The following CYP19A1 variants were observed in gnomAD, a reference collection of about 807,000 sequenced individuals.
CYP19A1 encodes the protein aromatase.
A neutral mutation model predicts 44.4 loss-of-function variants in CYP19A1; 32 were observed. The observed-to-expected ratio is 0.72, with a 90% CI of 0.54 to 0.97. The LOEUF is 0.97. Among genes scored for constraint, CYP19A1 ranks in the 50% least tolerant of loss-of-function variants. The pLI, the probability that CYP19A1 is intolerant of heterozygous loss-of-function variation, is 0.00. For synonymous variants in CYP19A1, 212 were observed against 215.6 expected, an observed-to-expected ratio of 0.98 and a Z score of 0.14; for missense variants, 598 against 637.8, an observed-to-expected ratio of 0.94 and a Z score of 0.67.
At chr15:51,328,558 G>C (rs1289641204) in intron 1 of CYP19A1, among the ~76,000 whole-genome samples, 1 of 138,952 alleles carries the variant, frequency 7.2e-6, no homozygotes, top group East Asian at 1.9e-4. Flanking sequence ...GTGTGTGTGT[G>C]TGTGTGTGTG....
intron 1 of CYP19A1, among the ~76,000 whole-genome samples, chr15:51,334,400 T>C (rs1260435078): frequency 4.6e-5 from 7 of 152,212 alleles, no homozygotes; most frequent in East Asian, 1.9e-4. Flanking sequence ...GGAACTCAAA[T>C]GACATGAGAA....
chr15:51,242,601 A>G (rs1415670419), intron 2 of CYP19A1, among the ~76,000 whole-genome samples, 167 bp downstream of exon 2: 1 of 152,168 alleles, frequency 6.6e-6, no homozygotes, highest in East Asian at 1.9e-4. Context: ...TGTGCAGATA[A>G]TTGGTCTGAA....
At chr15:51,230,511 A>C (rs2141087003) in intron 3 of CYP19A1, among the ~76,000 whole-genome samples, 1 of 152,214 alleles carries the variant, frequency 6.6e-6, no homozygotes, top group Non-Finnish European at 1.5e-5. Flanking sequence ...GTAAGCTCTT[A>C]GGTGATGAGA....
At chr15:51,320,579 A>G (rs1407535700) in intron 1 of CYP19A1, among the ~76,000 whole-genome samples, 1 of 152,162 alleles carries the variant, frequency 6.6e-6, no homozygotes, top group Non-Finnish European at 1.5e-5. Context: ...TGGCCCCAAG[A>G]GGCCCAAAAG....
At chr15:51,243,210 T>A (rs2033882037) in intron 1 of CYP19A1, 1 of 390,424 alleles carries the variant, frequency 2.6e-6, no homozygotes, top group East Asian at 5.4e-5. Context: ...AACCTTATCA[T>A]CTTGCCCTTG....
chr15:51,246,795 G>A (rs147016067), intron 1 of CYP19A1, among the ~76,000 whole-genome samples: 186 of 152,302 alleles, frequency 1.2e-3, no homozygotes, highest in African/African-American at 4.1e-3. Flanking sequence ...GGGGCTACTG[G>A]CCCAGCAGGG....
chr15:51,223,593 T>TCTCTCTCACACACACACACACACACA (rs1356666512), intron 4 of CYP19A1, among the ~76,000 whole-genome samples: 14 of 90,210 alleles, frequency 1.6e-4, no homozygotes, highest in East Asian at 4.7e-4. Context: ...TCTCTCTCTC[T>TCTCTCTCACACACACACACACACACA]CACACACACA....
At chr15:51,296,692 G>T (rs1433277817) in intron 1 of CYP19A1, among the ~76,000 whole-genome samples, 1 of 152,098 alleles carries the variant, frequency 6.6e-6, no homozygotes, top group African/African-American at 2.4e-5. Flanking sequence ...AACAATGATG[G>T]TAGATCAGAG....
chr15:51,308,324 C>T (rs759386961), intron 1 of CYP19A1, among the ~76,000 whole-genome samples: 18 of 152,240 alleles, frequency 1.2e-4, no homozygotes, highest in Non-Finnish European at 2.2e-4. Context: ...GGTCCTCTGT[C>T]CCCAACTTAC....
intron 4 of CYP19A1, among the ~76,000 whole-genome samples, chr15:51,224,617 T>G (rs2141069348): frequency 6.6e-6 from 1 of 152,386 alleles, no homozygotes; most frequent in Non-Finnish European, 1.5e-5. Context: ...CCTGCATCAC[T>G]GCAGTAGCTC....
intron 1 of CYP19A1, chr15:51,313,322 G>A (rs1165035441): frequency 6.6e-6 from 1 of 152,222 alleles, no homozygotes; most frequent in Non-Finnish European, 1.5e-5. Flanking sequence ...AGTAGTCTTG[G>A]CCTTCAAATA....
intron 1 of CYP19A1, among the ~76,000 whole-genome samples, chr15:51,261,327 C>T (rs976293820): frequency 6.6e-6 from 1 of 152,000 alleles, no homozygotes; most frequent in African/African-American, 2.4e-5. Context: ...TTGGGAGTGG[C>T]CAACCACCAT....
chr15:51,329,874 G>A (rs1310476152), intron 1 of CYP19A1, among the ~76,000 whole-genome samples: 6 of 152,208 alleles, frequency 3.9e-5, no homozygotes, highest in Non-Finnish European at 7.3e-5. Context: ...GGGAGCGACA[G>A]GCCATTGTGA....
chr15:51,230,228 G>A (rs76018581), intron 3 of CYP19A1, among the ~76,000 whole-genome samples: 2,605 of 152,324 alleles, frequency 0.017, 25 homozygotes, highest in Middle Eastern at 0.068. Context: ...CCAGCCCAGA[G>A]CTCCTCCTGG....
At chr15:51,231,837 T>C (rs2033061625) in intron 3 of CYP19A1, among the ~76,000 whole-genome samples, 1 of 151,926 alleles carries the variant, frequency 6.6e-6, no homozygotes. Flanking sequence ...TGGAAGCAAC[T>C]ACAAGAGAAT....
chr15:51,220,894 C>G (rs2032011889), intron 5 of CYP19A1, among the ~76,000 whole-genome samples: 1 of 151,944 alleles, frequency 6.6e-6, no homozygotes, highest in African/African-American at 2.4e-5. Context: ...CTCCCCACTA[C>G]CCTTCCCATC....
intron 1 of CYP19A1, among the ~76,000 whole-genome samples, chr15:51,262,777 A>C (rs774858186): frequency 6.6e-6 from 1 of 152,240 alleles, no homozygotes; most frequent in Non-Finnish European, 1.5e-5. Flanking sequence ...AGAAAATTTC[A>C]TGATACTTGC....
chr15:51,296,895 T>C (rs1220082182), intron 1 of CYP19A1, among the ~76,000 whole-genome samples: 4 of 152,194 alleles, frequency 2.6e-5, no homozygotes, highest in Non-Finnish European at 5.9e-5. Flanking sequence ...AAATGAAGTA[T>C]TTTTGAACAC....
At chr15:51,293,365 C>G (rs750356158) in intron 1 of CYP19A1, among the ~76,000 whole-genome samples, 1 of 152,148 alleles carries the variant, frequency 6.6e-6, no homozygotes, top group Non-Finnish European at 1.5e-5. Context: ...TAAGAACTCC[C>G]TGGAATGAGC....
Sources: gnomAD v4.1 joint callset for allele counts (sites outside exome capture counted in the v4.1 genomes callset) on GRCh38, gnomAD v4.1.1 for gene constraint, MANE v1.5 for transcripts, NCBI Gene and HGNC (gene_info 2026-07-23, HGNC 2026-07-21) for gene names.